SDK1: variants seen among roughly 807,000 people sequenced by gnomAD.
SDK1 encodes the protein protein sidekick-1.
A neutral mutation model predicts 245.5 loss-of-function variants in SDK1; 157 were observed. The observed-to-expected ratio is 0.64, with a 90% confidence interval of 0.56 to 0.73. The LOEUF is 0.73. SDK1 is among the 30% of genes least tolerant of loss of function. The pLI is 0.00. For missense variants in SDK1, 3,583 were observed against 3,002.3 expected (o/e 1.19, Z -4.52); for synonymous variants, 1,647 against 1,278.5 (o/e 1.29, Z -6.15).
At chr7:4,182,492 G>A (rs994035166) in intron 35 of SDK1, among the ~76,000 whole-genome samples, 1 of 152,310 alleles carries the variant, frequency 6.6e-6, no homozygotes, top group Admixed American at 6.5e-5. Flanking sequence ...AGCAGCTGGG[G>A]AAACCCTGCA....
At chr7:3,849,215 A>G (rs577654854) in intron 5 of SDK1, among the ~76,000 whole-genome samples, 2 of 152,254 alleles carry the variant, frequency 1.3e-5, no homozygotes, top group South Asian at 2.1e-4. Context: ...CGCTTGTACT[A>G]CATGTCTTCA....
At chr7:3,594,504 T>C (rs1442928199) in intron 1 of SDK1, among the ~76,000 whole-genome samples, 1 of 152,228 alleles carries the variant, frequency 6.6e-6, no homozygotes, top group South Asian at 2.1e-4. Context: ...GGTAACTTGA[T>C]ACCTAACATT....
chr7:4,175,869 A>G (rs766917453), intron 34 of SDK1, 35 bp downstream of exon 34: 4 of 1,583,742 alleles, frequency 2.5e-6, no homozygotes, highest in Middle Eastern at 1.7e-4. Flanking sequence ...CCATGCCGCG[A>G]GGCGCACACA....
chr7:3,635,818 C>T (rs1210611973), intron 2 of SDK1, among the ~76,000 whole-genome samples: 1 of 152,088 alleles, frequency 6.6e-6, no homozygotes, highest in Non-Finnish European at 1.5e-5. Flanking sequence ...GTGATCTTCC[C>T]ACCTCAGCCC....
chr7:4,021,792 T>C (rs934016914), intron 17 of SDK1, among the ~76,000 whole-genome samples: 1 of 152,252 alleles, frequency 6.6e-6, no homozygotes, highest in Non-Finnish European at 1.5e-5. Flanking sequence ...GCCTTCCAGC[T>C]GGGCACATAT....
At chr7:4,105,527 G>C (rs1015659878) in intron 22 of SDK1, among the ~76,000 whole-genome samples, 2 of 151,026 alleles carry the variant, frequency 1.3e-5, no homozygotes, top group Non-Finnish European at 3.0e-5. Flanking sequence ...GGCTGGTCTT[G>C]ATCTCTTGAC....
intron 22 of SDK1, among the ~76,000 whole-genome samples, chr7:4,103,633 A>T (rs542439074): frequency 6.6e-6 from 1 of 152,218 alleles, no homozygotes; most frequent in Non-Finnish European, 1.5e-5. Context: ...AATCATTCGC[A>T]TGTTCATTTG....
intron 40 of SDK1, among the ~76,000 whole-genome samples, chr7:4,222,559 TG>T (rs1440666857): frequency 6.6e-6 from 1 of 152,138 alleles, no homozygotes; most frequent in African/African-American, 2.4e-5. Context: ...CCTCCCAAAG[TG>T]ACAGGATTAC....
At chr7:4,108,788 A>T (rs1027263299) in intron 22 of SDK1, among the ~76,000 whole-genome samples, 1 of 152,132 alleles carries the variant, frequency 6.6e-6, no homozygotes, top group African/African-American at 2.4e-5. Flanking sequence ...CATTTTTATC[A>T]TGCCACAAAG....
rs370612981 is a variant in SDK1, at chr7:4,208,151, T to C, written c.5267T>C (p.Leu1756Pro). The C allele has an allele frequency of 2.2e-5, 35 of 1,614,024 alleles. No individual in the cohort carries two copies. Among genetic ancestry groups the C allele is most frequent in the Non-Finnish European group, 2.9e-5 (34 of 1,179,952 alleles). Residue 1756 changes from leucine to proline, a missense_variant, in exon 37 of 45, where the codon CTC (leucine) becomes CCC (proline). Physicochemically the swap from Leu to Pro is moderately conservative, Grantham distance 98. Coordinates refer to ENST00000404826, the MANE Select transcript of SDK1 (RefSeq NM_152744.4). The part of the protein sequence containing the change: ...SQNETEKMKV[L>P]FLPEPVVRLK... The stretch of plus-strand genomic sequence containing the variant: ...AACGAAACGGAGAAAATGAAGGTCC[T>C]CTTCCTCCCCGAGCCCGTGGTGAGG...
chr7:3,709,253 C>G (rs1043353005), intron 4 of SDK1, among the ~76,000 whole-genome samples: 1 of 152,210 alleles, frequency 6.6e-6, no homozygotes, highest in African/African-American at 2.4e-5. Context: ...GTTTAAGGAG[C>G]CTCAAGATAG....
intron 1 of SDK1, among the ~76,000 whole-genome samples, chr7:3,411,860 TATGAACCC>T (rs775248634): frequency 1.2e-4 from 18 of 152,158 alleles, no homozygotes; most frequent in Admixed American, 5.2e-4. Flanking sequence ...GTTCACTAGG[TATGAACCC>T]ATTGCCTAGA....
chr7:3,624,005 C>T (rs1325121842), intron 2 of SDK1, among the ~76,000 whole-genome samples: 1 of 151,834 alleles, frequency 6.6e-6, no homozygotes, highest in Non-Finnish European at 1.5e-5. Flanking sequence ...TTCACAGTAT[C>T]AATAAAAATT....
Position 3,623,245 on chromosome 7 carries a change from CTTTTTTTTT to C in SDK1, c.458+4018_458+4026del, listed in dbSNP as rs1183056855. Among the ~76,000 whole-genome samples, 453 of 117,990 alleles carry C rather than the reference CTTTTTTTTT, an allele frequency of 3.8e-3. 3 individuals are homozygous for C. Among genetic ancestry groups the C allele is most frequent in the South Asian group, 0.025 (87 of 3,518 alleles). 77.4% of individuals were successfully genotyped at this position (117,990 alleles called of 152,430 possible). A position where few individuals can be genotyped will look rare whatever the true frequency, so the allele number is the denominator to read the frequency against. The stretch of plus-strand genomic sequence containing the variant: ...ACAGTGAATTTCAAGTGTTGTATTT[CTTTTTTTTT>C]TTTTTTTTTTTGATGTGGAATCTCA... On this transcript the variant is annotated intron_variant, in intron 2 of 44. Transcript: ENST00000404826.
At chr7:3,618,471 C>G (rs1781836946) in intron 1 of SDK1, among the ~76,000 whole-genome samples, 1 of 152,098 alleles carries the variant, frequency 6.6e-6, no homozygotes, top group African/African-American at 2.4e-5. Context: ...GTGGGATTTA[C>G]CTGTGTTGCT....
intron 44 of SDK1, among the ~76,000 whole-genome samples, chr7:4,259,682 C>T (rs1275224563): frequency 4.6e-5 from 7 of 152,160 alleles, no homozygotes; most frequent in Non-Finnish European, 2.9e-5. Context: ...GGGTAAGCTG[C>T]CAGGTTAGCT....
At chr7:4,130,760 C>T (rs749223561) in intron 27 of SDK1, among the ~76,000 whole-genome samples, 3 of 152,084 alleles carry the variant, frequency 2.0e-5, no homozygotes, top group South Asian at 2.1e-4. Flanking sequence ...TAAAGGTTAG[C>T]GCCTTTACAT....
chr7:3,667,873 G>A (rs1472955655), intron 4 of SDK1, among the ~76,000 whole-genome samples: 2 of 152,210 alleles, frequency 1.3e-5, no homozygotes, highest in Non-Finnish European at 2.9e-5. Context: ...GATTGTTCCA[G>A]TTTTGGCCAT....
At chr7:3,766,185 G>A (rs1780248498) in intron 4 of SDK1, among the ~76,000 whole-genome samples, 1 of 152,068 alleles carries the variant, frequency 6.6e-6, no homozygotes, top group Non-Finnish European at 1.5e-5. Context: ...AATTTATAGA[G>A]GACATTATTC....
Sources: allele counts gnomAD v4.1 joint callset (sites outside exome capture counted in the v4.1 genomes callset), GRCh38; gene constraint gnomAD v4.1.1; transcripts MANE v1.5; gene names NCBI Gene and HGNC (gene_info 2026-07-23, HGNC 2026-07-21).